The following BRAF variants were observed in gnomAD, a reference collection of about 807,000 sequenced individuals.
BRAF encodes serine/threonine-protein kinase B-raf.
A neutral mutation model predicts 104.6 loss-of-function variants in BRAF; 16 were observed. The observed-to-expected ratio is 0.15, with a 90% CI of 0.10 to 0.23. The LOEUF is 0.23. BRAF is among the 10% of genes least tolerant of loss of function. The probability of loss-of-function intolerance (pLI) is 1.00; values close to 1 mark genes in which losing one functional copy is unlikely to be tolerated. For missense variants in BRAF, 541 were observed against 937.3 expected, an observed-to-expected ratio of 0.58 and a Z score of 5.52; for synonymous variants, 310 against 341.6, an observed-to-expected ratio of 0.91 and a Z score of 1.02.
chr7:140,806,764 T>A (rs1486050910), intron 5 of BRAF, among the ~76,000 whole-genome samples: 2 of 152,212 alleles, frequency 1.3e-5, no homozygotes, highest in Non-Finnish European at 2.9e-5. Flanking sequence ...AAAATTTGAT[T>A]GACATTAGGT....
At chr7:140,736,533 T>C (rs1203324233) in intron 18 of BRAF, among the ~76,000 whole-genome samples, 1 of 151,138 alleles carries the variant, frequency 6.6e-6, no homozygotes, top group Non-Finnish European at 1.5e-5. Flanking sequence ...GTTCAAATGA[T>C]TTTCCTGCCT....
chr7:140,826,017 A>G (rs746613241), intron 3 of BRAF, among the ~76,000 whole-genome samples: 7 of 152,146 alleles, frequency 4.6e-5, no homozygotes, highest in Non-Finnish European at 8.8e-5. Flanking sequence ...TTTGAGGCAT[A>G]TAATGCTCAT....
chr7:140,910,426 A>C (rs1000602211), intron 1 of BRAF, among the ~76,000 whole-genome samples: 4 of 152,178 alleles, frequency 2.6e-5, no homozygotes, highest in African/African-American at 4.8e-5. Context: ...TGCCATATGC[A>C]TGCTTTGTCT....
intron 1 of BRAF, among the ~76,000 whole-genome samples, chr7:140,917,120 A>C (rs1369474247): frequency 6.6e-6 from 1 of 152,138 alleles, no homozygotes; most frequent in Non-Finnish European, 1.5e-5. Context: ...GAGTGCAATG[A>C]CGCGATCTCG....
intron 1 of BRAF, among the ~76,000 whole-genome samples, chr7:140,895,462 T>C (rs990563751): frequency 4.6e-5 from 7 of 152,214 alleles, no homozygotes; most frequent in South Asian, 2.1e-4. Flanking sequence ...CTCCTAGCTA[T>C]ATGAAACTAT....
chr7:140,754,872 A>G (rs1798073967), intron 14 of BRAF, among the ~76,000 whole-genome samples: 2 of 152,200 alleles, frequency 1.3e-5, no homozygotes, highest in Admixed American at 1.3e-4. Flanking sequence ...TTCTTAAAAT[A>G]TTTTCTTAAA....
At chr7:140,856,536 T>C (rs571683096) in intron 1 of BRAF, among the ~76,000 whole-genome samples, 32 of 152,088 alleles carry the variant, frequency 2.1e-4, no homozygotes, top group African/African-American at 7.0e-4. Context: ...AGAAGAAGCA[T>C]GAGGAAACTA....
chr7:140,807,133 C>T (rs1803738004), intron 5 of BRAF, among the ~76,000 whole-genome samples: 1 of 152,118 alleles, frequency 6.6e-6, no homozygotes, highest in Admixed American at 6.6e-5. Context: ...CATTCCGGGC[C>T]TTATGCTGGT....
At chr7:140,852,401 A>C (rs1446972360) in intron 1 of BRAF, among the ~76,000 whole-genome samples, 1 of 151,908 alleles carries the variant, frequency 6.6e-6, no homozygotes, top group Non-Finnish European at 1.5e-5. Flanking sequence ...AAAAAAAAAA[A>C]AAAACCAAAA....
chr7:140,799,912 C>T (rs1802906954), intron 7 of BRAF: 3 of 299,886 alleles, frequency 1.0e-5, no homozygotes, highest in Non-Finnish European at 6.3e-6. Flanking sequence ...TGATCTGTTG[C>T]ATGATTTTTT....
intron 2 of BRAF, among the ~76,000 whole-genome samples, chr7:140,836,581 C>A (rs1807364905): frequency 6.6e-6 from 1 of 152,190 alleles, no homozygotes; most frequent in Non-Finnish European, 1.5e-5. Flanking sequence ...TTGCCCTACC[C>A]AGACCCTGTT....
At chr7:140,883,131 T>C (rs1813143119) in intron 1 of BRAF, among the ~76,000 whole-genome samples, 4 of 152,218 alleles carry the variant, frequency 2.6e-5, no homozygotes, top group Non-Finnish European at 5.9e-5. Context: ...ACAGTTGATC[T>C]TCTTATCTCT....
At chr7:140,879,623 C>T (rs562325327) in intron 1 of BRAF, among the ~76,000 whole-genome samples, 121 of 150,980 alleles carry the variant, frequency 8.0e-4, no homozygotes, top group Non-Finnish European at 1.4e-3. Context: ...ATTACCTGGG[C>T]CTTCAAGGAG....
rs1425212013 is a variant in BRAF at position 140,762,952 on chromosome 7, G to A, written c.1815-8719C>T. ...AGGTCACAGATCAACAGGATCACAAGGCAGAAGAATTTTTCTTAGTACAGA... is the reference window on the plus strand; with the variant it reads ...AGGTCACAGATCAACAGGATCACAAAGCAGAAGAATTTTTCTTAGTACAGA... On this transcript the variant is annotated intron_variant, in intron 14 of 19. Transcript: ENST00000644969. 3.9e-5 allele frequency among the ~76,000 whole-genome samples: 6 copies of A among 152,150 alleles called. No individual in the cohort carries two copies. In the East Asian group the frequency reaches 7.7e-4, roughly 20 times the overall value.
intron 12 of BRAF, among the ~76,000 whole-genome samples, chr7:140,778,759 AAACAGCTGT>A (rs1800567477): frequency 6.6e-6 from 1 of 152,050 alleles, no homozygotes; most frequent in African/African-American, 2.4e-5. Context: ...ACTTTATGTG[AAACAGCTGT>A]AACGTCAACA....
chr7:140,890,411 A>G (rs1282290673), intron 1 of BRAF, among the ~76,000 whole-genome samples: 5 of 152,180 alleles, frequency 3.3e-5, no homozygotes. Flanking sequence ...GCTCAGGCTC[A>G]TGCTAGGAGT....
intron 8 of BRAF, among the ~76,000 whole-genome samples, chr7:140,790,983 C>T (rs1420714446): frequency 2.6e-5 from 4 of 152,144 alleles, no homozygotes; most frequent in African/African-American, 9.7e-5. Context: ...AGCCTGTAAT[C>T]GCAGCTACTC....
intron 1 of BRAF, among the ~76,000 whole-genome samples, chr7:140,906,259 T>C (rs972262745): frequency 2.7e-5 from 4 of 148,342 alleles, no homozygotes; most frequent in Admixed American, 6.8e-5. Context: ...TGGTGTGCAG[T>C]GGCACGACCA....
chr7:140,715,702 A>T (rs1795116406), downstream of BRAF, among the ~76,000 whole-genome samples: 1 of 152,248 alleles, frequency 6.6e-6, no homozygotes, highest in African/African-American at 2.4e-5. Context: ...GCTGTATAGC[A>T]TATGGGAAAA....
Sources: allele counts gnomAD v4.1 joint callset (sites outside exome capture counted in the v4.1 genomes callset), GRCh38; gene constraint gnomAD v4.1.1; transcripts MANE v1.5; gene names NCBI Gene and HGNC (gene_info 2026-07-23, HGNC 2026-07-21).